GRM7: variants seen among roughly 807,000 people sequenced by gnomAD.
GRM7 encodes glutamate metabotropic receptor 7.
GRM7 carries 35 observed loss-of-function variants against 84.5 expected under a neutral mutation model. That is an observed-to-expected ratio of 0.41 (90% CI 0.32 to 0.55). GRM7 has a LOEUF of 0.55. Ranked by LOEUF, GRM7 falls within the 20% of genes least tolerant of loss-of-function variation. The pLI is 0.19. For missense variants in GRM7, 1,003 were observed against 1,194.6 expected, an observed-to-expected ratio of 0.84 and a Z score of 2.36; for synonymous variants, 487 against 455.1, an observed-to-expected ratio of 1.07 and a Z score of -0.89.
Position 7,566,111 on chromosome 3 carries a change from T to G in GRM7, c.1516-12311T>G, listed in dbSNP as rs57780178. Among the ~76,000 whole-genome samples, 49 of 29,240 alleles carry G rather than the reference T, an allele frequency of 1.7e-3. 4 individuals carry two copies. The highest frequency in any genetic ancestry group is 4.6e-3 in the East Asian group (2 of 434). 19.2% of individuals were successfully genotyped at this position (29,240 alleles called of 152,430 possible). A position where few individuals can be genotyped will look rare whatever the true frequency, so the allele number is the denominator to read the frequency against. On this transcript the variant is annotated intron_variant, in intron 7 of 9. Transcript: ENST00000357716. ...TTGGCTCTGAATCAGCTGTTTTTTT[T>G]TTTTTTTTTTTTTTTTTTTTTGTAA...
intron 4 of GRM7, among the ~76,000 whole-genome samples, chr3:7,329,873 CAG>C (rs1227590102): frequency 6.6e-6 from 1 of 151,980 alleles, no homozygotes; most frequent in Non-Finnish European, 1.5e-5. Context: ...TTTGAGTAAA[CAG>C]TGTTTTATTA....
intron 4 of GRM7, among the ~76,000 whole-genome samples, chr3:7,379,552 T>C (rs1258992050): frequency 6.6e-6 from 1 of 152,226 alleles, no homozygotes; most frequent in Non-Finnish European, 1.5e-5. Context: ...TCTGTATTCT[T>C]TAATTTCTTA....
intron 1 of GRM7, among the ~76,000 whole-genome samples, chr3:7,067,508 G>A (rs1157216211): frequency 6.6e-6 from 1 of 152,010 alleles, no homozygotes; most frequent in Non-Finnish European, 1.5e-5. Flanking sequence ...ACAAAGCACT[G>A]CTGAAAGAAA....
rs144441197 is a variant in GRM7 at position 7,596,996 on chromosome 3, G to T, written c.2451+17639G>T. Among the ~76,000 whole-genome samples, 161 of 152,234 alleles carry T rather than the reference G, an allele frequency of 1.1e-3. 1 individual carries two copies. Among genetic ancestry groups the T allele is most frequent in the Admixed American group, 3.6e-3 (55 of 15,292 alleles). On this transcript the variant is annotated intron_variant, in intron 8 of 9. Transcript: ENST00000357716. Reference sequence around the variant, plus strand: ...ACAGTGATGTGCTCGTTGTTTGTTTGCTTGTTTGGTTTTGTGACATTTTCT... The same window carrying T: ...ACAGTGATGTGCTCGTTGTTTGTTTTCTTGTTTGGTTTTGTGACATTTTCT...
chr3:6,970,850 CG>C (rs1222359893), intron 1 of GRM7, among the ~76,000 whole-genome samples: 11 of 151,976 alleles, frequency 7.2e-5, no homozygotes, highest in Non-Finnish European at 1.3e-4. Context: ...GGCGTGGTGG[CG>C]GGCGCCTGTA....
At chr3:7,650,357 C>T (rs1024987960) in intron 8 of GRM7, among the ~76,000 whole-genome samples, 2 of 152,170 alleles carry the variant, frequency 1.3e-5, no homozygotes, top group African/African-American at 4.8e-5. Context: ...CCCATCTACC[C>T]GTCTCTTATG....
chr3:7,170,939 T>C (rs974616675), intron 2 of GRM7, among the ~76,000 whole-genome samples: 1 of 152,196 alleles, frequency 6.6e-6, no homozygotes, highest in African/African-American at 2.4e-5. Context: ...GCATGATACA[T>C]GCAGACACAT....
intron 2 of GRM7, among the ~76,000 whole-genome samples, chr3:7,273,966 T>C (rs994797703): frequency 2.0e-5 from 3 of 152,074 alleles, no homozygotes; most frequent in African/African-American, 7.2e-5. Context: ...TTTTGTCTTT[T>C]GTGGCTTTAA....
rs114435836 is a variant in GRM7 at position 7,223,939 on chromosome 3, A to G, written c.737-74745A>G. On this transcript the variant is annotated intron_variant, in intron 2 of 9. Transcript: ENST00000357716. ...ACTTAGTCTCTGTTTCTGAATATAC[A>G]GCATAGCTATGTATGGAATCTTTCT... Among the ~76,000 whole-genome samples the G allele has an allele frequency of 9.4e-3, 1,432 of 152,286 alleles. 16 individuals are homozygous for G. The highest frequency in any genetic ancestry group is 0.026 in the African/African-American group (1,063 of 41,560).
intron 5 of GRM7, among the ~76,000 whole-genome samples, chr3:7,446,507 C>T (rs1438305672): frequency 4.3e-5 from 6 of 139,126 alleles, no homozygotes; most frequent in Admixed American, 7.7e-5. Context: ...GTAGCCCAGG[C>T]TGAAGTGTAG....
At chr3:7,558,323 A>G (rs1693863908) in intron 7 of GRM7, among the ~76,000 whole-genome samples, 1 of 152,134 alleles carries the variant, frequency 6.6e-6, no homozygotes, top group South Asian at 2.1e-4. Flanking sequence ...ATTATTATTG[A>G]AAAGCAAATC....
At chr3:7,368,154 T>C (rs1047769537) in intron 4 of GRM7, among the ~76,000 whole-genome samples, 1 of 152,052 alleles carries the variant, frequency 6.6e-6, no homozygotes, top group Non-Finnish European at 1.5e-5. Flanking sequence ...GTGGACTTCT[T>C]ATCTGCCCGG....
chr3:7,724,344 A>G (rs1255033467), intron 9 of GRM7, among the ~76,000 whole-genome samples: 2 of 152,208 alleles, frequency 1.3e-5, no homozygotes, highest in Non-Finnish European at 2.9e-5. Flanking sequence ...TCATTTATTC[A>G]GTAGAAGCCA....
At chr3:7,557,693 A>G (rs1277170638) in intron 7 of GRM7, among the ~76,000 whole-genome samples, 1 of 152,158 alleles carries the variant, frequency 6.6e-6, no homozygotes, top group Non-Finnish European at 1.5e-5. Flanking sequence ...GTATAAAACA[A>G]AAACCTACCT....
At chr3:7,363,139 A>G (rs576842410) in intron 4 of GRM7, among the ~76,000 whole-genome samples, 293 of 151,872 alleles carry the variant, frequency 1.9e-3, no homozygotes, top group Middle Eastern at 6.8e-3. Flanking sequence ...TAAATAAAAT[A>G]TAATAAATGA....
chr3:7,352,315 G>C (rs1344810640), intron 4 of GRM7, among the ~76,000 whole-genome samples: 1 of 152,088 alleles, frequency 6.6e-6, no homozygotes, highest in African/African-American at 2.4e-5. Context: ...GGAGTTCAGT[G>C]ACTCTATACA....
intron 1 of GRM7, among the ~76,000 whole-genome samples, chr3:7,075,544 G>GTGTGTGTGTGTT (rs1409676420): frequency 3.6e-5 from 5 of 140,298 alleles, no homozygotes; most frequent in Non-Finnish European, 7.8e-5. Flanking sequence ...GTGTGTGTGT[G>GTGTGTGTGTGTT]TTTGGAGATG....
chr3:7,541,310 T>G (rs1322676684), intron 7 of GRM7, among the ~76,000 whole-genome samples: 1 of 152,158 alleles, frequency 6.6e-6, no homozygotes, highest in Non-Finnish European at 1.5e-5. Flanking sequence ...GAATAGAAAT[T>G]TGGAGCCAAA....
intron 2 of GRM7, among the ~76,000 whole-genome samples, chr3:7,248,723 C>T (rs1430840847): frequency 2.0e-5 from 3 of 151,872 alleles, no homozygotes; most frequent in Admixed American, 2.0e-4. Context: ...AAATAATGGC[C>T]CTGTTACTTT....
Sources: gnomAD v4.1 joint callset for allele counts (sites outside exome capture counted in the v4.1 genomes callset) on GRCh38, gnomAD v4.1.1 for gene constraint, MANE v1.5 for transcripts, NCBI Gene and HGNC (gene_info 2026-07-23, HGNC 2026-07-21) for gene names.